Variants in TOR1AIP1 observed in about 807,000 individuals in gnomAD.
TOR1AIP1 encodes the protein torsin 1A interacting protein 1.
Under a neutral mutation model 63.3 loss-of-function variants are expected in TOR1AIP1, and 54 were observed. That is an observed-to-expected ratio of 0.85 (90% confidence interval 0.69 to 1.07). The LOEUF (loss-of-function observed/expected upper bound fraction) is 1.07, where lower values mean the gene tolerates loss of function less well. Ranked by LOEUF, TOR1AIP1 falls within the 50% of genes least tolerant of loss-of-function variation. The probability of loss-of-function intolerance (pLI) is 0.00; values close to 1 mark genes in which losing one functional copy is unlikely to be tolerated. For missense variants in TOR1AIP1, 736 were observed against 715.0 expected, an observed-to-expected ratio of 1.03 and a Z score of -0.33; for synonymous variants, 294 against 273.5, an observed-to-expected ratio of 1.07 and a Z score of -0.74.
intron 9 of TOR1AIP1, among the ~76,000 whole-genome samples, chr1:179,914,301 T>C (rs937569468): frequency 6.6e-6 from 1 of 152,190 alleles, no homozygotes; most frequent in Non-Finnish European, 1.5e-5. Context: ...CTAAAATAAG[T>C]AAAGCTACTA....
chr1:179,896,204 TATTAGCA>T (rs1396980990), intron 3 of TOR1AIP1, among the ~76,000 whole-genome samples: 1 of 152,230 alleles, frequency 6.6e-6, no homozygotes, highest in Non-Finnish European at 1.5e-5. Flanking sequence ...GTATGAGAAA[TATTAGCA>T]AAAATCTGGA....
chr1:179,918,160 A>G lies in TOR1AIP1; in HGVS notation c.1673A>G (p.Asn558Ser). 2 of 1,613,258 alleles carry G rather than the reference A, an allele frequency of 1.2e-6. No individual in the cohort carries two copies. The highest frequency in any genetic ancestry group is 8.5e-7 in the Non-Finnish European group (1 of 1,180,034). Residue 558 changes from asparagine (N) to serine (S), a missense_variant, in exon 10 of 10, where the codon AAT becomes AGT. Asn to Ser is a conservative substitution (Grantham distance 46). Transcript: ENST00000606911. ...SYNHMDPDKL[N>S]GLWSRISHLV... ...AATCATATGGACCCAGACAAACTGA[A>G]TGGCCTCTGGAGCCGTATTTCTCAC...
chr1:179,883,173 G>C (rs1436154800), intron 1 of TOR1AIP1, 196 bp downstream of exon 1: 2 of 616,904 alleles, frequency 3.2e-6, no homozygotes, highest in Admixed American at 3.0e-5. Flanking sequence ...GCGCCGACCG[G>C]AGGAGTGGAA....
At position 179,882,690 on chromosome 1, in the gene TOR1AIP1, C is replaced by T. The variant is rs148576898; in HGVS notation, c.188C>T (p.Pro63Leu). The T allele has an allele frequency of 7.5e-6, 12 of 1,609,072 alleles. No homozygotes were observed. The African/African-American group carries it at 1.3e-4, about 18-fold the overall frequency. ...CGGGAAGTGAGGTTCTCGGACGAGC[C>T]GCCAGAAGTGTACGGCGACTTCGAG... is the stretch of plus-strand genomic sequence containing the variant. ...GRREVRFSDE[P>L]PEVYGDFEPL... The change falls in exon 1 of 10, where the codon CCG becomes CTG. Residue 63 changes from proline to leucine, a missense_variant. Around this residue, in one of 2 missense-constraint regions of TOR1AIP1, gnomAD observed 464 missense variants for 371.0 expected, o/e 1.25. Coordinates refer to ENST00000606911, the MANE Select transcript of TOR1AIP1 (RefSeq NM_015602.4).
intron 9 of TOR1AIP1, among the ~76,000 whole-genome samples, chr1:179,917,238 T>C (rs1364595946): frequency 3.9e-5 from 6 of 152,240 alleles, no homozygotes; most frequent in Non-Finnish European, 8.8e-5. Context: ...AAGAGACATA[T>C]GCATATTTGT....
In TOR1AIP1 at chr1:179,917,060, GT is replaced by G. The variant is rs1649041335; in HGVS notation, c.965-390del. Among the ~76,000 whole-genome samples the G allele has an allele frequency of 2.0e-5, 3 of 152,068 alleles. 1 individual carries two copies. The South Asian group carries it at 6.2e-4, about 32-fold the overall frequency. The stretch of plus-strand genomic sequence containing the variant: ...GAATAATTAGCCATGTGAATGCTGA[GT>G]TACTAAATTAAAAAAATATTTTATA... On this transcript the variant is annotated intron_variant, in intron 9 of 9. Coordinates refer to ENST00000606911, the MANE Select transcript of TOR1AIP1 (RefSeq NM_015602.4).
rs139072070 is a variant in TOR1AIP1 at position 179,907,867 on chromosome 1, A to G, written c.838+3A>G. On this transcript the variant is annotated splice_donor_region_variant and intron_variant, in intron 7 of 9. Coordinates refer to ENST00000606911, the MANE Select transcript of TOR1AIP1 (RefSeq NM_015602.4). ...TGATAAGCAACCTTCAGTGCTAAGT[A>G]AGTAGTTGGTTGTCTGCTCTTTTTT... The G allele has an allele frequency of 6.4e-5, 99 of 1,557,364 alleles. No individual in the cohort carries two copies. In the Middle Eastern group the frequency reaches 1.0e-3, roughly 16 times the overall value.
At chr1:179,892,041 GT>G (rs1262581641) in intron 3 of TOR1AIP1, among the ~76,000 whole-genome samples, 1 of 152,026 alleles carries the variant, frequency 6.6e-6, no homozygotes, top group Non-Finnish European at 1.5e-5. Flanking sequence ...GTTAGACTTA[GT>G]TTTTTTTACA....
chr1:179,901,593 T>C (rs1276902867), intron 5 of TOR1AIP1, among the ~76,000 whole-genome samples: 1 of 152,164 alleles, frequency 6.6e-6, no homozygotes, highest in Non-Finnish European at 1.5e-5. Context: ...CACTTTTAGC[T>C]TTTTTTGATA....
intron 3 of TOR1AIP1, among the ~76,000 whole-genome samples, chr1:179,895,666 G>A (rs764552094): frequency 6.6e-6 from 1 of 152,152 alleles, no homozygotes; most frequent in Non-Finnish European, 1.5e-5. Flanking sequence ...TCGGGAGGCC[G>A]AAGCAGGTGG....
At chr1:179,884,013 C>T (rs574181360) in intron 1 of TOR1AIP1, 9 of 179,810 alleles carry the variant, frequency 5.0e-5, no homozygotes, top group East Asian at 1.5e-4. Flanking sequence ...GCAAGTTTAC[C>T]TGCTGACTCG....
Position 179,882,908 on chromosome 1 carries a change from G to A in TOR1AIP1, c.406G>A (p.Glu136Lys). The change falls in exon 1 of 10, where the codon GAG (glutamate) becomes AAG (lysine). Residue 136 changes from glutamate to lysine, a missense_variant. Glu to Lys is a moderately conservative substitution (Grantham distance 56, BLOSUM62 1). Coordinates refer to ENST00000606911, the MANE Select transcript of TOR1AIP1 (RefSeq NM_015602.4). ...TACCCGCCTTCAGCAGCAGCACTCA[G>A]AGCAGCCTCCGCTACAGCCGTCTCC... ...RTTRLQQQHS[E>K]QPPLQPSPVM... 1 of 1,614,088 alleles carries A rather than the reference G, an allele frequency of 6.2e-7. No individual in the cohort carries two copies. Among genetic ancestry groups the A allele is most frequent in the Non-Finnish European group, 8.5e-7 (1 of 1,180,026 alleles).
rs1182281113 is a variant in TOR1AIP1 at position 179,917,956 on chromosome 1, T to C, written c.1469T>C (p.Leu490Ser). 13 of 1,614,126 alleles carry C rather than the reference T, an allele frequency of 8.1e-6. No homozygotes were observed. Among genetic ancestry groups the C allele is most frequent in the Non-Finnish European group, 1.0e-5 (12 of 1,180,050 alleles). The change falls in exon 10 of 10, where the codon TTG becomes TCG. Residue 490 changes from leucine (L) to serine (S), a missense_variant. By Grantham distance (145) the Leu-to-Ser change is moderately radical. This residue lies in a region of TOR1AIP1 where 272 missense variants were observed against 344.1 expected (regional missense o/e 0.79). Coordinates refer to ENST00000606911, the MANE Select transcript of TOR1AIP1 (RefSeq NM_015602.4). ...GAGTCATTTCCCGCAGGCTCTACTT[T>C]GATCTTCTACAAATATTGTGACCAT... Reference protein sequence around the residue: ...RFESFPAGSTLIFYKYCDHEN... With the variant: ...RFESFPAGSTSIFYKYCDHEN...
intron 9 of TOR1AIP1, among the ~76,000 whole-genome samples, chr1:179,914,439 T>C (rs1379453884): frequency 6.6e-6 from 1 of 152,242 alleles, no homozygotes; most frequent in Non-Finnish European, 1.5e-5. Context: ...TTACCTCCTT[T>C]ACAGCCTTGT....
chr1:179,912,151 C>G (rs1330990487), intron 8 of TOR1AIP1, among the ~76,000 whole-genome samples: 2 of 151,624 alleles, frequency 1.3e-5, no homozygotes, highest in African/African-American at 4.8e-5. Context: ...GCCTCAGCTT[C>G]CCAAGTAGCT....
chr1:179,916,985 C>G (rs1168025232), intron 9 of TOR1AIP1, among the ~76,000 whole-genome samples: 1 of 152,016 alleles, frequency 6.6e-6, no homozygotes, highest in Non-Finnish European at 1.5e-5. Context: ...CCACTTCCAG[C>G]CTGCATCCTT....
At position 179,917,691 on chromosome 1, in the gene TOR1AIP1, C is replaced by T. The variant is rs1219244726; in HGVS notation, c.1204C>T (p.His402Tyr). ...CCTGGAAAAACATCTTAATAGCTCC[C>T]ATCCTCGGTCTCAGCCTGCTATCTT... ...TFLEKHLNSSHPRSQPAILLL... is the reference protein window; with the variant it reads ...TFLEKHLNSSYPRSQPAILLL... The change falls in exon 10 of 10, where the codon CAT becomes TAT. Residue 402 changes from histidine (H) to tyrosine (Y), a missense_variant. Physicochemically the swap from His to Tyr is moderately conservative, Grantham distance 83. Around this residue, in one of 2 missense-constraint regions of TOR1AIP1, gnomAD observed 272 missense variants for 344.1 expected, o/e 0.79. Transcript: ENST00000606911. 3 of 1,614,076 alleles carry T rather than the reference C, an allele frequency of 1.9e-6. No homozygotes were observed. The highest frequency in any genetic ancestry group is 2.2e-5 in the East Asian group (1 of 44,900).
In TOR1AIP1 at chr1:179,909,094, G is replaced by A. The variant is rs149577472; in HGVS notation, c.907+421G>A. Among the ~76,000 whole-genome samples, 765 of 152,146 alleles carry A rather than the reference G, an allele frequency of 5.0e-3. 2 individuals carry two copies. The highest frequency in any genetic ancestry group is 0.027 in the Middle Eastern group (8 of 294). ...GAGAATGGTGTGAACCCAGGAGGCGGAGCTTGCAGTGAGCCAAGATTGCAC... is the reference window on the plus strand; with the variant it reads ...GAGAATGGTGTGAACCCAGGAGGCGAAGCTTGCAGTGAGCCAAGATTGCAC... On this transcript the variant is annotated intron_variant, in intron 8 of 9. Transcript: ENST00000606911.
chr1:179,900,025 T>C, intron 3 of TOR1AIP1, 101 bp from the exon 4 acceptor site: 1 of 825,738 alleles, frequency 1.2e-6, no homozygotes, highest in Non-Finnish European at 1.9e-6. Flanking sequence ...CTCTTTTATT[T>C]ATTCCTAAGC....
Sources: allele counts gnomAD v4.1 joint callset (sites outside exome capture counted in the v4.1 genomes callset), GRCh38; gene constraint gnomAD v4.1.1; regional missense constraint gnomAD v4.1.1; transcripts MANE v1.5; gene names NCBI Gene and HGNC (gene_info 2026-07-23, HGNC 2026-07-21).